RBFOX1: variants seen among roughly 807,000 people sequenced by gnomAD.
RBFOX1 encodes RNA binding fox-1 homolog 1.
A neutral mutation model predicts 57.7 loss-of-function variants in RBFOX1; 8 were observed. The ratio of observed to expected loss-of-function variants is 0.14; its 90% CI spans 0.08 to 0.25. The LOEUF is 0.25. Ranked by LOEUF, RBFOX1 falls within the 10% of genes least tolerant of loss-of-function variation. The pLI is 1.00. For synonymous variants in RBFOX1, 326 were observed against 222.4 expected (o/e 1.47, Z -4.15); for missense variants, 611 against 548.5 (o/e 1.11, Z -1.14).
intron 4 of RBFOX1, among the ~76,000 whole-genome samples, chr16:5,895,063 A>G (rs1394322199): frequency 6.6e-6 from 1 of 150,808 alleles, no homozygotes; most frequent in Non-Finnish European, 1.5e-5. Context: ...GGGGTATTAC[A>G]CAAGTACTGA....
intron 3 of RBFOX1, among the ~76,000 whole-genome samples, chr16:6,918,181 C>G (rs1309597483): frequency 6.6e-6 from 1 of 151,690 alleles, no homozygotes; most frequent in Non-Finnish European, 1.5e-5. Flanking sequence ...ACTAGAGAAG[C>G]TGAGGCAGGA....
intron 3 of RBFOX1, among the ~76,000 whole-genome samples, chr16:6,990,525 C>G (rs559584322): frequency 2.0e-5 from 3 of 151,858 alleles, no homozygotes; most frequent in East Asian, 2.0e-4. Flanking sequence ...AACTCCATCT[C>G]AAAAAAATAA....
intron 4 of RBFOX1, among the ~76,000 whole-genome samples, chr16:7,286,738 C>T (rs549057883): frequency 2.0e-5 from 3 of 151,802 alleles, no homozygotes; most frequent in Non-Finnish European, 4.4e-5. Context: ...ATTCTCCCGC[C>T]TCAGCCTCCC....
intron 3 of RBFOX1, among the ~76,000 whole-genome samples, chr16:5,818,465 TA>T (rs991561298): frequency 1.3e-5 from 2 of 152,290 alleles, no homozygotes; most frequent in Non-Finnish European, 2.9e-5. Flanking sequence ...ACTCAGTCAA[TA>T]AGTTTTTTGA....
At chr16:7,199,101 C>G (rs2087582555) in intron 4 of RBFOX1, among the ~76,000 whole-genome samples, 1 of 152,184 alleles carries the variant, frequency 6.6e-6, no homozygotes, top group Admixed American at 6.5e-5. Context: ...AGAGGAAGAA[C>G]ACAGGCTGCA....
intron 4 of RBFOX1, among the ~76,000 whole-genome samples, chr16:7,313,508 A>T (rs1165288585): frequency 6.6e-6 from 1 of 150,430 alleles, no homozygotes; most frequent in Non-Finnish European, 1.5e-5. Context: ...GTTCCGTTCA[A>T]AAAATGAGGC....
chr16:7,488,059 G>T lies in RBFOX1; in HGVS notation c.28-30088G>T, dbSNP rs374146501. Among the ~76,000 whole-genome samples the T allele has an allele frequency of 1.3e-4, 20 of 152,276 alleles. 1 individual carries two copies. The South Asian group carries it at 3.7e-3, about 28-fold the overall frequency. On this transcript the variant is annotated intron_variant, in intron 4 of 15. Coordinates refer to ENST00000550418, the MANE Select transcript of RBFOX1 (RefSeq NM_018723.4). ...CTCGGCGGAAGTAATCACTGGAGGTGATGTTTAATTAAAGAGATGCTGTTA... is the reference window on the plus strand; with the variant it reads ...CTCGGCGGAAGTAATCACTGGAGGTTATGTTTAATTAAAGAGATGCTGTTA...
chr16:7,179,092 A>C (rs2082202117), intron 4 of RBFOX1, among the ~76,000 whole-genome samples: 2 of 152,188 alleles, frequency 1.3e-5, no homozygotes, highest in South Asian at 4.1e-4. Context: ...TACAAAGTTC[A>C]ACTTCGTTTT....
chr16:5,816,471 A>C (rs1024273692), intron 3 of RBFOX1, among the ~76,000 whole-genome samples: 6 of 152,166 alleles, frequency 3.9e-5, no homozygotes, highest in African/African-American at 1.4e-4. Context: ...GCCTCTCATG[A>C]AACTAGACCT....
At chr16:5,259,361 C>A (rs1318572863) in intron 1 of RBFOX1, among the ~76,000 whole-genome samples, 1 of 152,156 alleles carries the variant, frequency 6.6e-6, no homozygotes, top group Non-Finnish European at 1.5e-5. Flanking sequence ...CCCAGCTGAT[C>A]TCATGCAGCC....
intron 15 of RBFOX1, chr16:7,709,599 A>G (rs149237495): frequency 6.5e-7 from 1 of 1,530,320 alleles, no homozygotes; most frequent in African/African-American, 1.4e-5. Context: ...CTCCCCTATT[A>G]CAATTCATGT....
chr16:6,968,410 C>G (rs1259614340), intron 3 of RBFOX1, among the ~76,000 whole-genome samples: 1 of 151,724 alleles, frequency 6.6e-6, no homozygotes, highest in African/African-American at 2.4e-5. Context: ...TCTTTTTTTC[C>G]TGGTCTCATC....
At chr16:6,846,944 A>G (rs1321423554) in intron 3 of RBFOX1, among the ~76,000 whole-genome samples, 2 of 151,780 alleles carry the variant, frequency 1.3e-5, no homozygotes, top group African/African-American at 4.8e-5. Flanking sequence ...GGTGATGGCT[A>G]CAGTTTTACC....
At chr16:7,266,112 C>G (rs1380943981) in intron 4 of RBFOX1, among the ~76,000 whole-genome samples, 1 of 151,656 alleles carries the variant, frequency 6.6e-6, no homozygotes, top group Non-Finnish European at 1.5e-5. Context: ...GTAGCTGGGA[C>G]TACAGGCGCT....
At chr16:7,071,157 C>G (rs538066134) in intron 4 of RBFOX1, among the ~76,000 whole-genome samples, 7 of 152,128 alleles carry the variant, frequency 4.6e-5, no homozygotes, top group Non-Finnish European at 1.0e-4. Flanking sequence ...TACCCTGAAG[C>G]TTCCGTTTTG....
At chr16:6,691,453 A>G (rs569948128) in intron 3 of RBFOX1, among the ~76,000 whole-genome samples, 4 of 132,830 alleles carry the variant, frequency 3.0e-5, no homozygotes, top group Admixed American at 8.3e-5. Context: ...TTTACCATCT[A>G]TTCCTTTTTC....
At chr16:5,775,344 G>A (rs1437200329) in intron 3 of RBFOX1, among the ~76,000 whole-genome samples, 1 of 152,116 alleles carries the variant, frequency 6.6e-6, no homozygotes, top group East Asian at 1.9e-4. Flanking sequence ...TGGGCCTGAT[G>A]TTATACCTGG....
rs576204422 is a variant in RBFOX1 at position 6,940,649 on chromosome 16, G to T, written c.-15-111408G>T. Among the ~76,000 whole-genome samples, 41 of 152,202 alleles carry T rather than the reference G, an allele frequency of 2.7e-4. 1 individual carries two copies. The South Asian group carries it at 5.4e-3, about 20-fold the overall frequency. The stretch of plus-strand genomic sequence containing the variant: ...GTCTTACTCTGTCACCCAGGCTGGA[G>T]TGGAGCGACGCGATCTCAGCTCACT... On this transcript the variant is annotated intron_variant, in intron 3 of 15. Transcript: ENST00000550418.
chr16:6,984,523 G>C (rs1279555359), intron 3 of RBFOX1, among the ~76,000 whole-genome samples: 1 of 152,108 alleles, frequency 6.6e-6, no homozygotes, highest in Non-Finnish European at 1.5e-5. Flanking sequence ...ACCTTTAGTA[G>C]TCACTAAATT....
Sources: gnomAD v4.1 joint callset for allele counts (sites outside exome capture counted in the v4.1 genomes callset) on GRCh38, gnomAD v4.1.1 for gene constraint, MANE v1.5 for transcripts, NCBI Gene and HGNC (gene_info 2026-07-23, HGNC 2026-07-21) for gene names.